Variants in APC observed in about 807,000 individuals in gnomAD.
APC encodes adenomatous polyposis coli protein.
In APC, 72 loss-of-function variants were observed where a neutral mutation model predicts 247.0. The observed-to-expected ratio is 0.29, with a 90% CI of 0.24 to 0.35. The LOEUF (loss-of-function observed/expected upper bound fraction) is 0.35. Among genes scored for constraint, APC ranks in the 10% least tolerant of loss-of-function variants. The pLI is 1.00. For synonymous variants in APC, 1,254 were observed against 1,162.5 expected, an observed-to-expected ratio of 1.08 and a Z score of -1.60; for missense variants, 3,400 against 3,360.7, an observed-to-expected ratio of 1.01 and a Z score of -0.29.
intron 4 of APC, among the ~76,000 whole-genome samples, chr5:112,771,155 C>T: frequency 6.6e-6 from 1 of 152,208 alleles, no homozygotes; most frequent in East Asian, 1.9e-4. Context: ...GAATATCATA[C>T]TCTTTGTGCT....
Position 112,835,031 on chromosome 5 carries a change from T to A in APC, c.1824T>A (p.Ala608=), listed in dbSNP as rs1455415709. The change falls in exon 15 of 16, where the codon GCT becomes GCA. Residue 608 remains alanine, a synonymous_variant. Coordinates refer to ENST00000257430, the MANE Select transcript of APC (RefSeq NM_000038.6). ...HCTENKADIC[A]VDGALAFLVG... Reference sequence around the variant, plus strand: ...CTGAGAATAAAGCTGATATATGTGCTGTAGATGGTGCACTTGCATTTTTGG... The same window carrying A: ...CTGAGAATAAAGCTGATATATGTGCAGTAGATGGTGCACTTGCATTTTTGG... The A allele has an allele frequency of 1.9e-6, 3 of 1,614,052 alleles. No homozygotes were observed. Among genetic ancestry groups the A allele is most frequent in the Admixed American group, 1.7e-5 (1 of 60,012 alleles).
chr5:112,714,768 T>G (rs7704618), intron 1 of APC, among the ~76,000 whole-genome samples: 61,119 of 152,116 alleles, frequency 0.4, 14,801 homozygotes, highest in East Asian at 0.67. Flanking sequence ...GCTTCAGCTT[T>G]ACAATCTATA....
intron 5 of APC, among the ~76,000 whole-genome samples, chr5:112,778,688 A>AGGC (rs36093821): frequency 0.55 from 82,486 of 151,212 alleles, 23,129 homozygotes; most frequent in East Asian, 0.9. Context: ...CTGGGACTAC[A>AGGC]GCATGCCACC....
At chr5:112,717,565 C>G (rs989332527) in intron 1 of APC, among the ~76,000 whole-genome samples, 3 of 152,074 alleles carry the variant, frequency 2.0e-5, no homozygotes, top group African/African-American at 4.8e-5. Context: ...GTACAGAATT[C>G]TAGGTTAGCA....
intron 2 of APC, among the ~76,000 whole-genome samples, chr5:112,763,939 C>T (rs1325343615): frequency 1.3e-5 from 2 of 152,078 alleles, no homozygotes; most frequent in Admixed American, 6.5e-5. Context: ...AAGAATCTTA[C>T]AAAGAGAGAC....
At chr5:112,819,563 CAA>C (rs771389431) in intron 10 of APC, among the ~76,000 whole-genome samples, 2 of 152,064 alleles carry the variant, frequency 1.3e-5, no homozygotes, top group Non-Finnish European at 2.9e-5. Flanking sequence ...AACAGTAAGT[CAA>C]GAGAAATTTA....
At chr5:112,759,104 TGTAAA>T (rs1402791498) in intron 2 of APC, among the ~76,000 whole-genome samples, 2 of 152,172 alleles carry the variant, frequency 1.3e-5, no homozygotes, top group African/African-American at 4.8e-5. Context: ...ACAATATACA[TGTAAA>T]GTATATCTTT....
chr5:112,772,223 G>A (rs1376982804), intron 4 of APC, among the ~76,000 whole-genome samples: 1 of 152,058 alleles, frequency 6.6e-6, no homozygotes, highest in African/African-American at 2.4e-5. Context: ...CACAAAATAG[G>A]CCTTTAGTAC....
rs34947690 is a variant in APC at position 112,828,457 on chromosome 5, TA to T, written c.1627-382del. On this transcript the variant is annotated intron_variant, in intron 13 of 15. Coordinates refer to ENST00000257430, the MANE Select transcript of APC (RefSeq NM_000038.6). ...ACTGTAGTAGCATTTAGGAGGAATTTAAAAAAAAAAAAAAAAACAGGATCTC... is the reference window on the plus strand; with the variant it reads ...ACTGTAGTAGCATTTAGGAGGAATTTAAAAAAAAAAAAAAAACAGGATCTC... 0.61 allele frequency among the ~76,000 whole-genome samples: 86,223 copies of T among 141,388 alleles called. 26,111 individuals are homozygous for T. Among genetic ancestry groups the T allele is most frequent in the East Asian group, 0.81 (3,974 of 4,936 alleles). 92.8% of individuals were successfully genotyped at this position (141,388 alleles called of 152,430 possible).
At chr5:112,834,927 G>T (rs2149840493) in intron 14 of APC, 24 bp from the exon 15 acceptor site, 2 of 1,594,622 alleles carry the variant, frequency 1.3e-6, no homozygotes, top group South Asian at 2.2e-5. Context: ...CTAATTAGAT[G>T]ACCCATATTC....
Position 112,835,559 on chromosome 5 carries a change from A to C in APC, c.1958+394A>C, listed in dbSNP as rs1015656964. Among the ~76,000 whole-genome samples the C allele has an allele frequency of 2.0e-5, 3 of 146,640 alleles. No homozygotes were observed. In the East Asian group the frequency reaches 6.2e-4, roughly 30 times the overall value. Reference sequence around the variant, plus strand: ...CACATTTTTCTAATGATGTCTTAGTATCCATAATAATAATTTTTTTTTTTT... The same window carrying C: ...CACATTTTTCTAATGATGTCTTAGTCTCCATAATAATAATTTTTTTTTTTT... On this transcript the variant is annotated intron_variant, in intron 15 of 15. Transcript: ENST00000257430.
intron 2 of APC, 56 bp from the exon 3 acceptor site, chr5:112,766,270 T>G (rs907891312): frequency 4.0e-6 from 5 of 1,264,296 alleles, no homozygotes; most frequent in Non-Finnish European, 5.8e-6. Flanking sequence ...AAATACAGAA[T>G]CATGTCTTGA....
chr5:112,828,081 C>A, intron 13 of APC, 75 bp downstream of exon 13: 1 of 1,234,920 alleles, frequency 8.1e-7, no homozygotes, highest in Non-Finnish European at 1.2e-6. Context: ...GTCACCCAGG[C>A]TTAGAGGGCA....
At chr5:112,718,458 C>T (rs1751300811) in intron 1 of APC, among the ~76,000 whole-genome samples, 1 of 152,168 alleles carries the variant, frequency 6.6e-6, no homozygotes, top group Non-Finnish European at 1.5e-5. Context: ...GGTTGCAGCC[C>T]TTTAGGGTCT....
chr5:112,716,597 C>T (rs764876731), intron 1 of APC, among the ~76,000 whole-genome samples: 5 of 151,824 alleles, frequency 3.3e-5, no homozygotes, highest in Non-Finnish European at 5.9e-5. Context: ...TCTTAAGTAT[C>T]GTAGGTGATC....
At chr5:112,810,190 C>T (rs1362548460) in intron 8 of APC, 3 of 454,820 alleles carry the variant, frequency 6.6e-6, no homozygotes, top group African/African-American at 6.0e-5. Context: ...AGTTGAAGAT[C>T]CCTAAGATCA....
At chr5:112,709,521 C>G (rs990195178) in intron 1 of APC, among the ~76,000 whole-genome samples, 1 of 152,184 alleles carries the variant, frequency 6.6e-6, no homozygotes, top group Admixed American at 6.5e-5. Flanking sequence ...GCAGGGGTTG[C>G]TGAGCCCCAA....
At chr5:112,815,639 T>C (rs1762438023) in intron 9 of APC, 46 bp downstream of exon 9, 1 of 1,492,394 alleles carries the variant, frequency 6.7e-7, no homozygotes, top group Non-Finnish European at 9.3e-7. Context: ...ATGACTACTT[T>C]GCTAAGACAT....
intron 8 of APC, among the ~76,000 whole-genome samples, chr5:112,814,597 G>C (rs541036219): frequency 6.6e-6 from 1 of 152,178 alleles, no homozygotes; most frequent in African/African-American, 2.4e-5. Context: ...GCCTTAGTTT[G>C]TGCCCTCAGA....
Sources: allele counts gnomAD v4.1 joint callset (sites outside exome capture counted in the v4.1 genomes callset), GRCh38; gene constraint gnomAD v4.1.1; transcripts MANE v1.5; gene names NCBI Gene and HGNC (gene_info 2026-07-23, HGNC 2026-07-21).